PGAP2: variants seen among roughly 807,000 people sequenced by gnomAD.
PGAP2 encodes the protein post-GPI attachment to proteins 2.
In PGAP2, 21 loss-of-function variants were observed where a neutral mutation model predicts 33.2. The ratio of observed to expected loss-of-function variants is 0.63; its 90% confidence interval spans 0.45 to 0.91. PGAP2 has a LOEUF of 0.91. PGAP2 is among the 40% of genes least tolerant of loss of function. The probability of loss-of-function intolerance (pLI) is 0.00; values close to 1 mark genes in which losing one functional copy is unlikely to be tolerated. For missense variants in PGAP2, 345 were observed against 424.0 expected (o/e 0.81, Z 1.64); for synonymous variants, 161 against 172.9 (o/e 0.93, Z 0.54).
intron 2 of PGAP2, among the ~76,000 whole-genome samples, chr11:3,814,854 CTTTCTTTCT>C (rs1240431352): frequency 1.1e-4 from 15 of 139,152 alleles, no homozygotes; most frequent in South Asian, 9.2e-4. Context: ...TTCTTTCCTT[CTTTCTTTCT>C]TTTCTTTCTT....
At chr11:3,824,441 A>C (rs762396524) in intron 5 of PGAP2, 65 bp downstream of exon 5, 5 of 1,613,294 alleles carry the variant, frequency 3.1e-6, no homozygotes, top group African/African-American at 1.3e-5. Flanking sequence ...ATCTGTCCTC[A>C]GGATTCGGGT....
chr11:3,825,223 C>T, intron 6 of PGAP2, 95 bp downstream of exon 6: 3 of 1,558,280 alleles, frequency 1.9e-6, no homozygotes, highest in Non-Finnish European at 2.6e-6. Flanking sequence ...GACTGGCTGC[C>T]ATTGTGTTCT....
At chr11:3,808,266 T>C, upstream of PGAP2, 4 of 1,550,690 alleles carry the variant, frequency 2.6e-6, no homozygotes, top group African/African-American at 2.7e-5. Context: ...CCGGCCCCTG[T>C]TGAATTAATT....
chr11:3,811,438 A>C lies in PGAP2; in HGVS notation c.165+14A>C, dbSNP rs1414187765. ...ACACACTGTGGGGTAGGGCATGGGG[A>C]CACTGATACCTCATATTCAGGCCGA... On this transcript the variant is annotated intron_variant, in intron 2 of 6. Transcript: ENST00000278243. This position sits in a 1 kb window ranked among gnomAD's most constrained non-coding sequence, Gnocchi z 4.6. 6.2e-7 allele frequency: 1 copy of C among 1,609,180 alleles called. No homozygotes were observed. Among genetic ancestry groups the C allele is most frequent in the Non-Finnish European group, 8.5e-7 (1 of 1,176,790 alleles).
At chr11:3,821,757 C>CAA (rs111889119) in intron 3 of PGAP2, among the ~76,000 whole-genome samples, 20 of 135,900 alleles carry the variant, frequency 1.5e-4, no homozygotes, top group African/African-American at 5.5e-4. Context: ...GACTCCATCT[C>CAA]AAAAAAAAAA....
intron 3 of PGAP2, chr11:3,822,783 C>G (rs1590391283): frequency 1.8e-6 from 1 of 545,692 alleles, no homozygotes; most frequent in East Asian, 3.1e-5. Context: ...AAGAGAGCCT[C>G]TTCCCATCTT....
intron 2 of PGAP2, among the ~76,000 whole-genome samples, chr11:3,815,223 G>T (rs1264045266): frequency 6.6e-6 from 1 of 152,008 alleles, no homozygotes; most frequent in African/African-American, 2.4e-5. Flanking sequence ...GCTCTGCTTT[G>T]CCGTAGAACT....
upstream of PGAP2, among the ~76,000 whole-genome samples, chr11:3,806,005 TAAATA>T (rs1347794632): frequency 8.6e-5 from 13 of 151,962 alleles, no homozygotes; most frequent in African/African-American, 3.1e-4. Context: ...TTTAAATAAA[TAAATA>T]AAACCATTTT....
chr11:3,814,756 C>T (rs147295008), intron 2 of PGAP2, among the ~76,000 whole-genome samples: 13,366 of 45,518 alleles, frequency 0.29, 799 homozygotes, highest in Non-Finnish European at 0.4. Context: ...TCTTTTCTTT[C>T]TTTCTTTCTT....
At chr11:3,822,840 C>A in intron 3 of PGAP2, 2 of 848,464 alleles carry the variant, frequency 2.4e-6, no homozygotes, top group Non-Finnish European at 3.7e-6. Context: ...ATCCCCCATC[C>A]TTTCACCTCT....
chr11:3,800,647 T>A (rs1003001200), intron 1 of PGAP2, among the ~76,000 whole-genome samples: 3 of 151,210 alleles, frequency 2.0e-5, no homozygotes, highest in Non-Finnish European at 4.4e-5. Flanking sequence ...CCATCTCTAC[T>A]GAAAATACAA....
chr11:3,807,119 C>T (rs1367071360), upstream of PGAP2, among the ~76,000 whole-genome samples: 4 of 151,356 alleles, frequency 2.6e-5, no homozygotes, highest in African/African-American at 9.7e-5. Context: ...GGGCAGATCA[C>T]GAGGTCAGGA....
chr11:3,815,028 C>T (rs2086688375), intron 2 of PGAP2, among the ~76,000 whole-genome samples: 2 of 151,534 alleles, frequency 1.3e-5, no homozygotes, highest in South Asian at 2.1e-4. Flanking sequence ...ACCTCTGCCT[C>T]CTGGGTTCAA....
chr11:3,809,796 A>T (rs2085166580), intron 1 of PGAP2, among the ~76,000 whole-genome samples: 1 of 152,224 alleles, frequency 6.6e-6, no homozygotes, highest in African/African-American at 2.4e-5. Context: ...GGAGAGAGGA[A>T]CTTGAGCAAT....
chr11:3,812,580 A>G (rs1215476462), intron 2 of PGAP2, among the ~76,000 whole-genome samples: 2 of 152,172 alleles, frequency 1.3e-5, no homozygotes, highest in African/African-American at 2.4e-5. Context: ...TCAGGTTGGA[A>G]GGCAGGGCAG....
At chr11:3,822,487 A>G (rs73421087) in intron 3 of PGAP2, among the ~76,000 whole-genome samples, 1,924 of 152,242 alleles carry the variant, frequency 0.013, 35 homozygotes, top group African/African-American at 0.045. Flanking sequence ...CATGGGACAC[A>G]TGACGAAACC....
Position 3,825,866 on chromosome 11 carries a change from G to A in PGAP2, c.*408G>A, listed in dbSNP as rs924859078. On this transcript the variant is annotated 3_prime_UTR_variant, in exon 7 of 7. Transcript: ENST00000278243. ...TTTCTCTGCACGGGGGTCATTCATA[G>A]GACTAATGTATTTCATGATCTACTG... 5.3e-6 allele frequency: 1 copy of A among 186,950 alleles called. No homozygotes were observed. The highest frequency in any genetic ancestry group is 2.4e-5 in the African/African-American group (1 of 42,498). 11.6% of individuals were successfully genotyped at this position (186,950 alleles called of 1,614,324 possible).
At chr11:3,801,967 T>A (rs578187141) in intron 1 of PGAP2, among the ~76,000 whole-genome samples, 10 of 151,682 alleles carry the variant, frequency 6.6e-5, no homozygotes, top group African/African-American at 1.2e-4. Context: ...AATAAATAAA[T>A]AAATAAATAA....
chr11:3,808,482 C>G (rs547831889), upstream of PGAP2: 714 of 1,431,018 alleles, frequency 5.0e-4, no homozygotes, highest in Admixed American at 1.2e-3. Context: ...TCTCCAGAAG[C>G]GGGGAGGAGC....
Sources: gnomAD v4.1 joint callset for allele counts (sites outside exome capture counted in the v4.1 genomes callset) on GRCh38, gnomAD v4.1.1 for gene constraint, Gnocchi (gnomAD v3.1) non-coding constraint, MANE v1.5 for transcripts, NCBI Gene and HGNC (gene_info 2026-07-23, HGNC 2026-07-21) for gene names.